Variants in SLC9A9 observed in about 807,000 individuals in gnomAD.
SLC9A9 encodes the protein sodium/hydrogen exchanger 9.
A neutral mutation model predicts 77.8 loss-of-function variants in SLC9A9; 62 were observed. The observed-to-expected ratio is 0.80, with a 90% CI of 0.65 to 0.98. SLC9A9 has a LOEUF of 0.98. SLC9A9 is among the 50% of genes least tolerant of loss of function. The pLI, the probability that SLC9A9 is intolerant of heterozygous loss-of-function variation, is 0.00. For missense variants in SLC9A9, 775 were observed against 774.9 expected (o/e 1.00, Z 0.00); for synonymous variants, 320 against 283.5 (o/e 1.13, Z -1.29).
intron 4 of SLC9A9, among the ~76,000 whole-genome samples, chr3:143,768,086 CT>C (rs2007389388): frequency 6.6e-6 from 1 of 152,112 alleles, no homozygotes; most frequent in Non-Finnish European, 1.5e-5. Flanking sequence ...TCACCACTTT[CT>C]TTTCCTTCTT....
At chr3:143,602,035 T>A (rs1209218844) in intron 6 of SLC9A9, among the ~76,000 whole-genome samples, 3 of 152,166 alleles carry the variant, frequency 2.0e-5, no homozygotes, top group African/African-American at 7.2e-5. Context: ...AGTATTCCCA[T>A]GTCCTTTTTT....
intron 5 of SLC9A9, among the ~76,000 whole-genome samples, chr3:143,664,981 G>A (rs957016247): frequency 1.3e-5 from 2 of 152,110 alleles, no homozygotes; most frequent in Admixed American, 6.5e-5. Context: ...TGCACCAAGT[G>A]GACCTAATAG....
At chr3:143,653,663 C>G (rs921397421) in intron 5 of SLC9A9, among the ~76,000 whole-genome samples, 1 of 152,040 alleles carries the variant, frequency 6.6e-6, no homozygotes, top group African/African-American at 2.4e-5. Context: ...ACAATCTGAA[C>G]TTTGGAAATA....
intron 4 of SLC9A9, among the ~76,000 whole-genome samples, chr3:143,735,343 A>G (rs1429075567): frequency 6.6e-6 from 1 of 152,208 alleles, no homozygotes; most frequent in African/African-American, 2.4e-5. Flanking sequence ...TCTAGGAATT[A>G]CTCAATAAGT....
chr3:143,835,323 G>T (rs1238208504), intron 1 of SLC9A9, among the ~76,000 whole-genome samples: 1 of 152,174 alleles, frequency 6.6e-6, no homozygotes, highest in African/African-American at 2.4e-5. Context: ...AACCCCAAGG[G>T]TTGAGAAGAA....
At chr3:143,837,070 A>C (rs1339817463) in intron 1 of SLC9A9, among the ~76,000 whole-genome samples, 1 of 152,228 alleles carries the variant, frequency 6.6e-6, no homozygotes, top group Non-Finnish European at 1.5e-5. Context: ...AAAAATAGGG[A>C]CTTACTTTTT....
In SLC9A9 at chr3:143,518,074, T is replaced by C. The variant is rs573249405; in HGVS notation, c.1090-22626A>G. 6 of 1,551,546 alleles carry C rather than the reference T, an allele frequency of 3.9e-6. No individual in the cohort carries two copies. The Admixed American group carries it at 6.7e-5, about 17-fold the overall frequency. On this transcript the variant is annotated intron_variant, in intron 9 of 15. Transcript: ENST00000316549. ...CAGGTTTTTCTTCCTTGGTATTTTC[T>C]TCTGATTTAGCTTTCTGAGTAGCAG...
At chr3:143,433,514 C>A (rs2034566847) in intron 12 of SLC9A9, among the ~76,000 whole-genome samples, 1 of 152,084 alleles carries the variant, frequency 6.6e-6, no homozygotes, top group African/African-American at 2.4e-5. Flanking sequence ...ATAATAACGT[C>A]CAATACATTT....
intron 8 of SLC9A9, among the ~76,000 whole-genome samples, chr3:143,573,172 C>A (rs1437694030): frequency 6.6e-6 from 1 of 152,108 alleles, no homozygotes; most frequent in Non-Finnish European, 1.5e-5. Flanking sequence ...TATATGTCAA[C>A]TTTTATTATT....
At chr3:143,743,876 GAGA>G (rs1935141649) in intron 4 of SLC9A9, among the ~76,000 whole-genome samples, 2 of 152,182 alleles carry the variant, frequency 1.3e-5, no homozygotes, top group Admixed American at 6.5e-5. Flanking sequence ...TGAGAGTGAG[GAGA>G]AGGATATTTT....
At chr3:143,834,321 G>A (rs1290807347) in intron 1 of SLC9A9, among the ~76,000 whole-genome samples, 6 of 151,966 alleles carry the variant, frequency 3.9e-5, no homozygotes, top group African/African-American at 1.5e-4. Flanking sequence ...CTAGTCAGGA[G>A]CAAGAAGGGA....
At chr3:143,360,195 A>G (rs1336552188) in intron 14 of SLC9A9, among the ~76,000 whole-genome samples, 1 of 152,238 alleles carries the variant, frequency 6.6e-6, no homozygotes, top group African/African-American at 2.4e-5. Flanking sequence ...TTATCTGGGA[A>G]TTTGTTTCCT....
chr3:143,689,364 G>A (rs1230375232), intron 5 of SLC9A9, among the ~76,000 whole-genome samples: 1 of 152,172 alleles, frequency 6.6e-6, no homozygotes, highest in Non-Finnish European at 1.5e-5. Flanking sequence ...AAACTATGGG[G>A]TACTCTTCGA....
At chr3:143,404,232 G>A (rs193298527) in intron 12 of SLC9A9, among the ~76,000 whole-genome samples, 2 of 148,764 alleles carry the variant, frequency 1.3e-5, no homozygotes, top group Admixed American at 6.7e-5. Context: ...AGAGCGCAGT[G>A]GCGTGATCTG....
chr3:143,606,436 C>CTATATATA (rs60773685), intron 6 of SLC9A9, among the ~76,000 whole-genome samples: 771 of 54,104 alleles, frequency 0.014, 28 homozygotes, highest in South Asian at 0.029. Context: ...CTCTCTCTCT[C>CTATATATA]TATATATATA....
intron 12 of SLC9A9, among the ~76,000 whole-genome samples, chr3:143,465,829 A>G (rs995738013): frequency 1.3e-5 from 2 of 152,228 alleles, no homozygotes; most frequent in Non-Finnish European, 2.9e-5. Flanking sequence ...CCTAGGAAGT[A>G]ATTCAAGAAG....
intron 6 of SLC9A9, among the ~76,000 whole-genome samples, chr3:143,648,809 A>C (rs2038748083): frequency 6.6e-6 from 1 of 152,176 alleles, no homozygotes; most frequent in Non-Finnish European, 1.5e-5. Context: ...GAATCTATGA[A>C]AGTTACTAAA....
rs752488744 is a variant in SLC9A9 at position 143,795,581 on chromosome 3, A to G, written c.457-504T>C. ...TGATGAAAATAAACTTTAAAAATCT[A>G]CAACAGCCTGGTGGGTGGCTCACGC... On this transcript the variant is annotated intron_variant, in intron 3 of 15. Transcript: ENST00000316549. 5.8e-4 allele frequency among the ~76,000 whole-genome samples: 89 copies of G among 152,184 alleles called. 1 individual carries two copies. Among genetic ancestry groups the G allele is most frequent in the Non-Finnish European group, 1.9e-4 (13 of 68,034 alleles).
intron 4 of SLC9A9, among the ~76,000 whole-genome samples, chr3:143,698,467 A>G (rs572432903): frequency 1.3e-5 from 2 of 152,216 alleles, no homozygotes; most frequent in Non-Finnish European, 2.9e-5. Context: ...AAGGCATTGC[A>G]TAAAAGGGGA....
Sources: allele counts gnomAD v4.1 joint callset (sites outside exome capture counted in the v4.1 genomes callset), GRCh38; gene constraint gnomAD v4.1.1; transcripts MANE v1.5; gene names NCBI Gene and HGNC (gene_info 2026-07-23, HGNC 2026-07-21).